Variants in B4GALNT3 observed in about 807,000 individuals in gnomAD.
B4GALNT3 encodes beta-1,4-N-acetylgalactosaminyltransferase 3.
In B4GALNT3, 86 loss-of-function variants were observed where a neutral mutation model predicts 120.2. That is an observed-to-expected ratio of 0.72 (90% confidence interval 0.60 to 0.86). B4GALNT3 has a LOEUF of 0.86. Ranked by LOEUF, B4GALNT3 falls within the 40% of genes least tolerant of loss-of-function variation. The probability of loss-of-function intolerance (pLI) is 0.00; values close to 1 mark genes in which losing one functional copy is unlikely to be tolerated. For missense variants in B4GALNT3, 1,167 were observed against 1,298.9 expected (o/e 0.90, Z 1.56); for synonymous variants, 518 against 510.4 (o/e 1.01, Z -0.20).
chr12:553,745 G>C lies in B4GALNT3; in HGVS notation c.1822G>C (p.Glu608Gln), dbSNP rs756167272. 1.2e-6 allele frequency: 2 copies of C among 1,614,228 alleles called. No homozygotes were observed. The highest frequency in any genetic ancestry group is 1.7e-6 in the Non-Finnish European group (2 of 1,180,020). The stretch of plus-strand genomic sequence containing the variant: ...GGAAGGACAAGTGGAGGGAGAGGAA[G>C]AGGGGGAAGAAGAGGAGGAGGAAGA... Reference protein sequence around the residue: ...GQEGQVEGEEEGEEEEEEEDM... With the variant: ...GQEGQVEGEEQGEEEEEEEDM... Residue 608 changes from glutamate to glutamine, a missense_variant, in exon 14 of 20, where the codon GAG (glutamate) becomes CAG (glutamine). Physicochemically the swap from Glu to Gln is conservative, Grantham distance 29 (BLOSUM62 2). Around this residue, in one of 3 missense-constraint regions of B4GALNT3, gnomAD observed 983 missense variants for 1,102.5 expected, o/e 0.89. Transcript: ENST00000266383.
chr12:546,832 C>T (rs1400980220), intron 7 of B4GALNT3, 119 bp downstream of exon 7: 3 of 997,912 alleles, frequency 3.0e-6, no homozygotes, highest in South Asian at 2.9e-5. Context: ...GGCACCCACA[C>T]GCTCCCGGCA....
At chr12:528,551 A>T (rs1233157836) in intron 1 of B4GALNT3, among the ~76,000 whole-genome samples, 1 of 152,232 alleles carries the variant, frequency 6.6e-6, no homozygotes, top group Non-Finnish European at 1.5e-5. Context: ...GTGTACTAGA[A>T]AGGATAGGTT....
rs1228628115 is a variant in B4GALNT3 at position 460,710 on chromosome 12, G to T, written c.169+165G>T. ...CGCGTACTCGGGGAGAGCTGCGGGCGGGGGAAGCCGCGGGGCCGAGCGCAG... is the reference window on the plus strand; with the variant it reads ...CGCGTACTCGGGGAGAGCTGCGGGCTGGGGAAGCCGCGGGGCCGAGCGCAG... On this transcript the variant is annotated intron_variant, in intron 1 of 19. Transcript: ENST00000266383. The surrounding 1 kb of genome is among the most constrained non-coding windows in gnomAD (Gnocchi z 8.0). Among the ~76,000 whole-genome samples, 1 of 152,088 alleles carries T rather than the reference G, an allele frequency of 6.6e-6. No individual in the cohort carries two copies. Among genetic ancestry groups the T allele is most frequent in the African/African-American group, 2.4e-5 (1 of 41,430 alleles).
At chr12:552,742 T>C (rs984371904) in intron 13 of B4GALNT3, 2 of 587,512 alleles carry the variant, frequency 3.4e-6, no homozygotes, top group Non-Finnish European at 6.1e-6. Context: ...TTTAGCAGCA[T>C]GCTGGGGTCA....
intron 1 of B4GALNT3, among the ~76,000 whole-genome samples, chr12:471,904 G>A (rs1946141170): frequency 6.6e-6 from 1 of 152,132 alleles, no homozygotes; most frequent in South Asian, 2.1e-4. Context: ...TTACCTTGTG[G>A]AGGGCTTTAC....
chr12:563,186 T>G lies in B4GALNT3; in HGVS notation c.*1735T>G, dbSNP rs1349337585. 1 of 152,558 alleles carries G rather than the reference T, an allele frequency of 6.6e-6. No homozygotes were observed. The highest frequency in any genetic ancestry group is 2.4e-5 in the African/African-American group (1 of 41,468). 9.5% of individuals were successfully genotyped at this position (152,558 alleles called of 1,614,324 possible). ...TGGAGAAGGATGGTGGGGCATAGGC[T>G]AGGGCTGCAGTTGGCCAGTGGGGCT... On this transcript the variant is annotated 3_prime_UTR_variant, in exon 20 of 20. Coordinates refer to ENST00000266383, the MANE Select transcript of B4GALNT3 (RefSeq NM_173593.4).
At chr12:522,885 C>T (rs991497609) in intron 1 of B4GALNT3, among the ~76,000 whole-genome samples, 2 of 141,994 alleles carry the variant, frequency 1.4e-5, no homozygotes, top group Admixed American at 7.7e-5. Flanking sequence ...TGCAGTGAGC[C>T]GAGATTGCAC....
At chr12:532,372 T>C (rs926482622) in intron 1 of B4GALNT3, among the ~76,000 whole-genome samples, 6 of 152,194 alleles carry the variant, frequency 3.9e-5, no homozygotes, top group African/African-American at 1.2e-4. Flanking sequence ...TCTTACCTTC[T>C]GTTAAAGAGA....
chr12:484,363 C>T (rs1009560740), intron 1 of B4GALNT3, among the ~76,000 whole-genome samples: 3 of 152,184 alleles, frequency 2.0e-5, no homozygotes, highest in Non-Finnish European at 4.4e-5. Flanking sequence ...GCACGTGCCA[C>T]GGTTATCTCT....
intron 1 of B4GALNT3, among the ~76,000 whole-genome samples, chr12:496,560 C>G (rs1217584277): frequency 6.6e-6 from 1 of 152,070 alleles, no homozygotes; most frequent in African/African-American, 2.4e-5. Flanking sequence ...ATATTGCACT[C>G]TGCACTCCAG....
At chr12:524,042 C>T (rs939096254) in intron 1 of B4GALNT3, among the ~76,000 whole-genome samples, 2 of 152,160 alleles carry the variant, frequency 1.3e-5, no homozygotes, top group Non-Finnish European at 2.9e-5. Context: ...GCCCAGGCGA[C>T]GGTGAGAGAC....
intron 1 of B4GALNT3, among the ~76,000 whole-genome samples, chr12:510,976 C>G (rs537117981): frequency 6.8e-6 from 1 of 148,006 alleles, no homozygotes; most frequent in Non-Finnish European, 1.5e-5. Context: ...GCACTGGAAC[C>G]ACGACTCTCC....
At chr12:535,055 A>T in intron 1 of B4GALNT3, 111 bp from the exon 2 acceptor site, 5 of 804,174 alleles carry the variant, frequency 6.2e-6, no homozygotes, top group Non-Finnish European at 9.7e-6. Flanking sequence ...CCACCCTCTG[A>T]AGAGAGGTGA....
At chr12:522,941 T>TAAA (rs61096976) in intron 1 of B4GALNT3, among the ~76,000 whole-genome samples, 3,540 of 57,792 alleles carry the variant, frequency 0.061, 99 homozygotes, top group African/African-American at 0.094. Context: ...AGACTCTGTT[T>TAAA]AAAAAAAAAA....
intron 12 of B4GALNT3, 78 bp downstream of exon 12, chr12:552,241 G>A (rs977441211): frequency 2.6e-5 from 34 of 1,312,564 alleles, no homozygotes; most frequent in Middle Eastern, 1.8e-4. Context: ...CTGGACCAGG[G>A]TGATGGTGGC....
rs546176769 is a variant in B4GALNT3, at chr12:460,906, G to T, written c.169+361G>T. On this transcript the variant is annotated intron_variant, in intron 1 of 19. Transcript: ENST00000266383. This position sits in a 1 kb window ranked among gnomAD's most constrained non-coding sequence, Gnocchi z 8.0. ...CTCCGGGCTTGCGGTTCCCGGGGAG[G>T]AGGTCCGTGGGGTCCACGCGCGAGC... is the stretch of plus-strand genomic sequence containing the variant. Among the ~76,000 whole-genome samples the T allele has an allele frequency of 3.3e-5, 5 of 152,272 alleles. No homozygotes were observed. The highest frequency in any genetic ancestry group is 3.3e-4 in the Admixed American group (5 of 15,302).
intron 1 of B4GALNT3, among the ~76,000 whole-genome samples, chr12:520,640 G>A (rs1946700100): frequency 6.6e-6 from 1 of 152,222 alleles, no homozygotes; most frequent in South Asian, 2.1e-4. Flanking sequence ...TTATCTTATG[G>A]GATTGTGACT....
Position 516,018 on chromosome 12 carries a change from T to C in B4GALNT3, c.170-19148T>C, listed in dbSNP as rs554718838. Among the ~76,000 whole-genome samples, 552 of 151,816 alleles carry C rather than the reference T, an allele frequency of 3.6e-3. 3 individuals carry two copies. The highest frequency in any genetic ancestry group is 0.013 in the African/African-American group (523 of 41,418). ...AAAATTAGCCAGGCGTGGTGGCGGG[T>C]GCCTGTAGTCCCAGCTACTCGGGAG... On this transcript the variant is annotated intron_variant, in intron 1 of 19. Coordinates refer to ENST00000266383, the MANE Select transcript of B4GALNT3 (RefSeq NM_173593.4).
At chr12:519,310 G>A (rs1263938365) in intron 1 of B4GALNT3, among the ~76,000 whole-genome samples, 1 of 152,212 alleles carries the variant, frequency 6.6e-6, no homozygotes, top group Non-Finnish European at 1.5e-5. Flanking sequence ...GATACCGGCA[G>A]CTATCACAGG....
Sources: allele counts gnomAD v4.1 joint callset (sites outside exome capture counted in the v4.1 genomes callset), GRCh38; gene constraint gnomAD v4.1.1; regional missense constraint gnomAD v4.1.1; non-coding constraint Gnocchi (gnomAD v3.1); transcripts MANE v1.5; gene names NCBI Gene and HGNC (gene_info 2026-07-23, HGNC 2026-07-21).